Variants in PLCL1 observed in about 807,000 individuals in gnomAD.
PLCL1 encodes inactive phospholipase C-like protein 1.
In PLCL1, 41 loss-of-function variants were observed where a neutral mutation model predicts 84.4. The ratio of observed to expected loss-of-function variants is 0.49; its 90% CI spans 0.38 to 0.63. The LOEUF is 0.63. Ranked by LOEUF, PLCL1 falls within the 30% of genes least tolerant of loss-of-function variation. PLCL1 has a pLI of 0.00. For synonymous variants in PLCL1, 490 were observed against 488.3 expected (o/e 1.00, Z -0.05); for missense variants, 1,206 against 1,367.8 (o/e 0.88, Z 1.87).
Position 198,101,184 on chromosome 2 carries a change from T to G in PLCL1, c.2920-101T>G, listed in dbSNP as rs144065295. 2.9e-4 allele frequency: 210 copies of G among 732,850 alleles called. No individual in the cohort carries two copies. In the African/African-American group the frequency reaches 3.5e-3, roughly 12 times the overall value. 45.4% of individuals were successfully genotyped at this position (732,850 alleles called of 1,614,324 possible). A position where few individuals can be genotyped will look rare whatever the true frequency, so the allele number is the denominator to read the frequency against. ...CTGTTGTGGTGAGACTATGGCTTAC[T>G]TTTACTGGAGGTATCATGTGGGTCT... On this transcript the variant is annotated intron_variant, in intron 3 of 5. Coordinates refer to ENST00000428675, the MANE Select transcript of PLCL1 (RefSeq NM_006226.4).
At chr2:198,124,120 C>T (rs985359902) in intron 5 of PLCL1, among the ~76,000 whole-genome samples, 2 of 152,094 alleles carry the variant, frequency 1.3e-5, no homozygotes, top group African/African-American at 4.8e-5. Context: ...TGATCTTTGG[C>T]AGAAAAATGT....
intron 1 of PLCL1, among the ~76,000 whole-genome samples, chr2:197,915,244 G>C (rs1370437841): frequency 6.6e-6 from 1 of 152,172 alleles, no homozygotes; most frequent in African/African-American, 2.4e-5. Context: ...CCTGATTAAA[G>C]CTGCTCTCAA....
At chr2:198,015,719 A>G (rs976180) in intron 1 of PLCL1, among the ~76,000 whole-genome samples, 108,139 of 152,024 alleles carry the variant, frequency 0.71, 39,229 homozygotes, top group Middle Eastern at 0.85. Flanking sequence ...TGTGATATGC[A>G]TAGTGTAAGA....
chr2:198,087,980 C>A (rs546716154), intron 2 of PLCL1, among the ~76,000 whole-genome samples: 1 of 152,240 alleles, frequency 6.6e-6, no homozygotes, highest in East Asian at 1.9e-4. Flanking sequence ...CCAATATCAG[C>A]ATATTCTATG....
intron 1 of PLCL1, among the ~76,000 whole-genome samples, chr2:197,958,377 C>CAA (rs531808263): frequency 4.0e-5 from 6 of 148,678 alleles, no homozygotes; most frequent in African/African-American, 1.2e-4. Flanking sequence ...AAAAGAATCG[C>CAA]AAAAAAAAAC....
intron 1 of PLCL1, among the ~76,000 whole-genome samples, chr2:198,034,960 A>C (rs1344807730): frequency 6.6e-6 from 1 of 152,192 alleles, no homozygotes; most frequent in Non-Finnish European, 1.5e-5. Flanking sequence ...CAAGAACACC[A>C]CTGAAAGAAT....
rs1167684014 is a variant in PLCL1 at position 197,939,808 on chromosome 2, T to A, written c.240+134469T>A. ...CATCAGTGTTTTTAATCGGCCACTG[T>A]CTTCCCCCAAGTGATTCTAATATGC... is the stretch of plus-strand genomic sequence containing the variant. On this transcript the variant is annotated intron_variant, in intron 1 of 5. Transcript: ENST00000428675. Among the ~76,000 whole-genome samples the A allele has an allele frequency of 2.6e-5, 4 of 151,432 alleles. No homozygotes were observed. The East Asian group carries it at 7.7e-4, about 29-fold the overall frequency.
At chr2:197,830,219 C>A (rs1691027749) in intron 1 of PLCL1, among the ~76,000 whole-genome samples, 1 of 151,780 alleles carries the variant, frequency 6.6e-6, no homozygotes, top group Admixed American at 6.6e-5. Context: ...ATAACAAACT[C>A]CTTCAAGCTA....
intron 1 of PLCL1, among the ~76,000 whole-genome samples, chr2:198,044,222 C>T (rs1406789241): frequency 1.3e-5 from 2 of 152,138 alleles, no homozygotes; most frequent in African/African-American, 4.8e-5. Flanking sequence ...AATATATTCC[C>T]CTTCCACACA....
At chr2:197,912,952 A>T (rs13026977) in intron 1 of PLCL1, among the ~76,000 whole-genome samples, 39,871 of 141,948 alleles carry the variant, frequency 0.28, 6,331 homozygotes, top group East Asian at 0.53. Flanking sequence ...ACAGTATAAT[A>T]AAAAAAAATT....
intron 1 of PLCL1, among the ~76,000 whole-genome samples, chr2:197,959,200 G>A (rs1057513336): frequency 6.6e-6 from 1 of 152,022 alleles, no homozygotes; most frequent in African/African-American, 2.4e-5. Context: ...TTATTATTAA[G>A]AATTGGCTCA....
intron 1 of PLCL1, among the ~76,000 whole-genome samples, chr2:197,850,135 G>A (rs1277723923): frequency 6.6e-6 from 1 of 151,968 alleles, no homozygotes; most frequent in African/African-American, 2.4e-5. Context: ...CCTTGGGCAG[G>A]TGATTTAACC....
At chr2:198,028,390 C>T (rs1015650403) in intron 1 of PLCL1, among the ~76,000 whole-genome samples, 11 of 151,960 alleles carry the variant, frequency 7.2e-5, no homozygotes, top group Non-Finnish European at 4.4e-5. Flanking sequence ...CCCCTTGCTA[C>T]GGATGTGGGC....
At chr2:197,998,937 C>T (rs1210187676) in intron 1 of PLCL1, among the ~76,000 whole-genome samples, 2 of 152,170 alleles carry the variant, frequency 1.3e-5, no homozygotes, top group East Asian at 1.9e-4. Flanking sequence ...AAATCACTGC[C>T]ACCCTAAGCC....
intron 5 of PLCL1, among the ~76,000 whole-genome samples, chr2:198,122,605 AT>A (rs1395632542): frequency 1.3e-5 from 2 of 152,214 alleles, no homozygotes; most frequent in East Asian, 3.9e-4. Context: ...TGAGATCATC[AT>A]TATTTCTATT....
intron 1 of PLCL1, among the ~76,000 whole-genome samples, chr2:197,865,824 A>G (rs758960639): frequency 5.3e-5 from 8 of 150,878 alleles, no homozygotes; most frequent in Non-Finnish European, 1.2e-4. Context: ...ACCAGCCTGG[A>G]CAACATGGTG....
intron 1 of PLCL1, among the ~76,000 whole-genome samples, chr2:197,987,426 T>A (rs575529922): frequency 1.3e-5 from 2 of 152,336 alleles, no homozygotes; most frequent in East Asian, 3.9e-4. Flanking sequence ...GAGGGGGCAT[T>A]TGCTTTCTAG....
chr2:198,055,417 T>C (rs1187552885), intron 1 of PLCL1, among the ~76,000 whole-genome samples: 1 of 149,822 alleles, frequency 6.7e-6, no homozygotes, highest in East Asian at 2.0e-4. Flanking sequence ...TCTTGGAGTA[T>C]TACATTACAT....
chr2:197,900,775 G>GA (rs1351369515), intron 1 of PLCL1, among the ~76,000 whole-genome samples: 1 of 151,994 alleles, frequency 6.6e-6, no homozygotes, highest in Non-Finnish European at 1.5e-5. Flanking sequence ...TTCAAAACAA[G>GA]AAAAAAATGC....
Sources: gnomAD v4.1 joint callset for allele counts (sites outside exome capture counted in the v4.1 genomes callset) on GRCh38, gnomAD v4.1.1 for gene constraint, MANE v1.5 for transcripts, NCBI Gene and HGNC (gene_info 2026-07-23, HGNC 2026-07-21) for gene names.